Variants in ZNF469 observed in about 807,000 individuals in gnomAD.
ZNF469 encodes the protein zinc finger protein 469.
In ZNF469, 1 loss-of-function variant was observed where a neutral mutation model predicts 1.0. The observed-to-expected ratio is 1.00, with a 90% CI of 0.35 to 4.73. The LOEUF is 4.73. ZNF469 is among the 30% of genes most tolerant of loss of function. ZNF469 has a pLI of 0.16. For missense variants in ZNF469, 6,100 were observed against 5,356.3 expected, an observed-to-expected ratio of 1.14 and a Z score of -4.33; for synonymous variants, 2,703 against 2,363.4, an observed-to-expected ratio of 1.14 and a Z score of -4.17.
chr16:88,343,084 T>C, the ZNF469 span, among the ~76,000 whole-genome samples: 43,923 of 151,928 alleles, frequency 0.29, 6,364 homozygotes, highest in Non-Finnish European at 0.3. Context: ...ACACCCCTTG[T>C]GGTCCATAGG....
the ZNF469 span, among the ~76,000 whole-genome samples, chr16:88,153,113 G>C: frequency 6.6e-6 from 1 of 152,212 alleles, no homozygotes; most frequent in Admixed American, 6.5e-5. Context: ...GGTTGGCGGG[G>C]CCGGGGGTGT....
At chr16:88,187,278 C>G in the ZNF469 span, among the ~76,000 whole-genome samples, 1 of 152,230 alleles carries the variant, frequency 6.6e-6, no homozygotes, top group African/African-American at 2.4e-5. Flanking sequence ...CCGACCGGAC[C>G]CCGCAGAACC....
At chr16:88,285,486 C>A in the ZNF469 span, among the ~76,000 whole-genome samples, 1 of 152,260 alleles carries the variant, frequency 6.6e-6, no homozygotes, top group Non-Finnish European at 1.5e-5. Flanking sequence ...ATTGCCACAG[C>A]CAGCGTGGGC....
the ZNF469 span, among the ~76,000 whole-genome samples, chr16:88,176,661 C>G: frequency 6.6e-6 from 1 of 152,224 alleles, no homozygotes; most frequent in African/African-American, 2.4e-5. Flanking sequence ...AAGTTGTTAT[C>G]ATGATGACCG....
At chr16:88,393,822 C>T (rs146517380) in intron 1 of ZNF469, among the ~76,000 whole-genome samples, 2 of 152,326 alleles carry the variant, frequency 1.3e-5, no homozygotes, top group East Asian at 1.9e-4. Context: ...ACAAGTGGGG[C>T]GGACGCTGCC....
chr16:88,100,988 A>G, the ZNF469 span: 7 of 271,668 alleles, frequency 2.6e-5, 1 homozygote, highest in South Asian at 9.8e-5. Context: ...TGGGGCGTGG[A>G]GCCGGGGCAC....
At chr16:88,230,106 A>G in the ZNF469 span, among the ~76,000 whole-genome samples, 1 of 152,216 alleles carries the variant, frequency 6.6e-6, no homozygotes, top group African/African-American at 2.4e-5. Flanking sequence ...TCCATCAGGA[A>G]GGCTCAGACT....
chr16:88,328,500 G>A, the ZNF469 span, among the ~76,000 whole-genome samples: 6 of 152,200 alleles, frequency 3.9e-5, no homozygotes, highest in African/African-American at 9.7e-5. Context: ...GAAACGCCAC[G>A]GCCCCAGTGC....
chr16:88,401,751 A>T (rs1478352658), intron 1 of ZNF469, among the ~76,000 whole-genome samples: 1 of 143,864 alleles, frequency 7.0e-6, no homozygotes, highest in Non-Finnish European at 1.5e-5. Flanking sequence ...GGGTGATTGG[A>T]TGGATGGATG....
the ZNF469 span, among the ~76,000 whole-genome samples, chr16:88,247,091 G>A: frequency 6.6e-6 from 1 of 150,994 alleles, no homozygotes; most frequent in South Asian, 2.1e-4. Flanking sequence ...GAATGACTGA[G>A]TGAACGAGTG....
the ZNF469 span, among the ~76,000 whole-genome samples, chr16:88,284,828 C>T: frequency 2.6e-5 from 4 of 152,186 alleles, no homozygotes; most frequent in East Asian, 1.9e-4. Flanking sequence ...TGGCCTGAGC[C>T]GCAGGTCCCC....
chr16:88,312,112 G>A, the ZNF469 span, among the ~76,000 whole-genome samples: 1 of 152,208 alleles, frequency 6.6e-6, no homozygotes, highest in South Asian at 2.1e-4. Flanking sequence ...GGGTTTCCCA[G>A]TATAAACCCA....
intron 1 of ZNF469, among the ~76,000 whole-genome samples, chr16:88,394,480 T>TA (rs1904598172): frequency 6.6e-6 from 1 of 152,240 alleles, no homozygotes. Flanking sequence ...CGTGAAGCAT[T>TA]TCACGTTCTG....
the ZNF469 span, chr16:88,276,532 C>A: frequency 1.3e-5 from 2 of 152,238 alleles, no homozygotes; most frequent in African/African-American, 4.8e-5. Context: ...CAGACCGGCC[C>A]CCACCCTGGA....
At chr16:88,186,540 C>T in the ZNF469 span, among the ~76,000 whole-genome samples, 79 of 152,282 alleles carry the variant, frequency 5.2e-4, 1 homozygote, top group South Asian at 0.015. Flanking sequence ...CAGGGTTTTC[C>T]GACCGCCTCT....
the ZNF469 span, among the ~76,000 whole-genome samples, chr16:88,102,276 G>T: frequency 6.6e-6 from 1 of 152,202 alleles, no homozygotes. Flanking sequence ...CAGCACTTTG[G>T]GAGGCCAAGG....
chr16:88,366,047 A>G, the ZNF469 span, among the ~76,000 whole-genome samples: 2 of 152,040 alleles, frequency 1.3e-5, no homozygotes, highest in Non-Finnish European at 2.9e-5. Context: ...AAGCCCTGGT[A>G]TAAAGTAAAT....
the ZNF469 span, among the ~76,000 whole-genome samples, chr16:88,135,638 G>A: frequency 6.6e-6 from 1 of 151,852 alleles, no homozygotes; most frequent in East Asian, 1.9e-4. Context: ...CCACACCCGG[G>A]GCCCCTCTTT....
chr16:88,352,468 A>G, the ZNF469 span, among the ~76,000 whole-genome samples: 6 of 152,222 alleles, frequency 3.9e-5, no homozygotes, highest in Non-Finnish European at 7.3e-5. Context: ...GAGGCTGAGC[A>G]TGGTGCTGAC....
Sources: allele counts gnomAD v4.1 joint callset (sites outside exome capture counted in the v4.1 genomes callset), GRCh38; gene constraint gnomAD v4.1.1; transcripts MANE v1.5; gene names NCBI Gene and HGNC (gene_info 2026-07-23, HGNC 2026-07-21).